YTHDC1: variants seen among roughly 807,000 people sequenced by gnomAD.
The protein encoded by YTHDC1 is YTH domain-containing protein 1.
YTHDC1 carries 12 observed loss-of-function variants against 107.0 expected under a neutral mutation model. The ratio of observed to expected loss-of-function variants is 0.11; its 90% CI spans 0.07 to 0.18. The LOEUF (loss-of-function observed/expected upper bound fraction) is 0.18. YTHDC1 is among the 10% of genes least tolerant of loss of function. The pLI, the probability that YTHDC1 is intolerant of heterozygous loss-of-function variation, is 1.00. For synonymous variants in YTHDC1, 280 were observed against 289.5 expected, an observed-to-expected ratio of 0.97 and a Z score of 0.33; for missense variants, 635 against 898.8, an observed-to-expected ratio of 0.71 and a Z score of 3.75.
chr4:68,316,877 A>T (rs1366307994), intron 15 of YTHDC1, among the ~76,000 whole-genome samples: 1 of 152,212 alleles, frequency 6.6e-6, no homozygotes, highest in Non-Finnish European at 1.5e-5. Flanking sequence ...GGCATACGGC[A>T]TCAGGCATCC....
At chr4:68,342,155 C>T (rs755183580) in intron 1 of YTHDC1, among the ~76,000 whole-genome samples, 6 of 152,094 alleles carry the variant, frequency 3.9e-5, no homozygotes, top group Non-Finnish European at 8.8e-5. Flanking sequence ...ATGGTAACAC[C>T]TTTCATTATG....
At chr4:68,320,724 A>C (rs999739848) in intron 11 of YTHDC1, among the ~76,000 whole-genome samples, 6 of 152,260 alleles carry the variant, frequency 3.9e-5, no homozygotes, top group Admixed American at 3.9e-4. Flanking sequence ...ACAAATTATG[A>C]ATTTTACATG....
rs1328088430 is a variant in YTHDC1 at position 68,313,814 on chromosome 4, A to G, written c.*285T>C. 3 of 429,632 alleles carry G rather than the reference A, an allele frequency of 7.0e-6. No individual in the cohort carries two copies. Among genetic ancestry groups the G allele is most frequent in the South Asian group, 3.9e-5 (1 of 25,828 alleles). 26.6% of individuals were successfully genotyped at this position (429,632 alleles called of 1,614,324 possible). ...AATAACTCTAGGATGAACACACTAT[A>G]AGAACATTTATGGAGAAAGAATCAG... is the stretch of plus-strand genomic sequence containing the variant. On this transcript the variant is annotated 3_prime_UTR_variant, in exon 17 of 17. Coordinates refer to ENST00000344157, the MANE Select transcript of YTHDC1 (RefSeq NM_001031732.4).
intron 10 of YTHDC1, among the ~76,000 whole-genome samples, chr4:68,323,868 TCAAAA>T (rs1722697366): frequency 6.6e-6 from 1 of 152,192 alleles, no homozygotes; most frequent in Non-Finnish European, 1.5e-5. Flanking sequence ...GATAATATAG[TCAAAA>T]CAAATTTAAA....
In YTHDC1 at chr4:68,337,193, TTCC is replaced by T. The variant is rs568654350; in HGVS notation, c.714_716del (p.Glu249del). ...CTTCTTCCTCCTCCTCCTCCTCCTCTTCCTCCTCCTCCTCTTCCTCCTCCTCCT... is the reference window on the plus strand; with the variant it reads ...CTTCTTCCTCCTCCTCCTCCTCCTCTTCCTCCTCCTCTTCCTCCTCCTCCT... On this transcript the variant is annotated inframe_deletion, in exon 4 of 17. Transcript: ENST00000344157. The T allele has an allele frequency of 6.0e-4, 949 of 1,574,288 alleles. 6 individuals are homozygous for T. Among genetic ancestry groups the T allele is most frequent in the South Asian group, 5.7e-3 (516 of 89,994 alleles).
At chr4:68,334,497 G>C (rs1723936284) in intron 4 of YTHDC1, among the ~76,000 whole-genome samples, 3 of 152,234 alleles carry the variant, frequency 2.0e-5, no homozygotes, top group African/African-American at 7.2e-5. Flanking sequence ...CTCAAGGGCA[G>C]GTCCTCTGGC....
rs36215897 is a variant in YTHDC1, at chr4:68,349,833, A to C, written c.-80T>G. ...GCGCGGGCGCCGCAGCCGCGGCAGA[A>C]GCACGGGCCCGTCCGTCAGTCCGTC... is the stretch of plus-strand genomic sequence containing the variant. On this transcript the variant is annotated 5_prime_UTR_variant, in exon 1 of 17. Coordinates refer to ENST00000344157, the MANE Select transcript of YTHDC1 (RefSeq NM_001031732.4). 1.3e-6 allele frequency: 2 copies of C among 1,598,256 alleles called. No homozygotes were observed. The highest frequency in any genetic ancestry group is 1.3e-5 in the African/African-American group (1 of 74,520).
intron 7 of YTHDC1, 25 bp downstream of exon 7, chr4:68,332,078 G>C (rs1462244295): frequency 4.7e-6 from 7 of 1,480,566 alleles, no homozygotes; most frequent in Non-Finnish European, 6.4e-6. Context: ...TATTAGGATA[G>C]TTTCAACAGA....
intron 1 of YTHDC1, among the ~76,000 whole-genome samples, chr4:68,340,439 T>C (rs1217305025): frequency 6.6e-6 from 1 of 152,102 alleles, no homozygotes; most frequent in Non-Finnish European, 1.5e-5. Flanking sequence ...AAAAATCTTA[T>C]TTAAAATCAA....
At position 68,349,777 on chromosome 4, in the gene YTHDC1, T is replaced by TGCCACC. The variant is rs1300208568; in HGVS notation, c.-30_-25dup. ...ATGGCTCCCCTTCGGTTTCCGCCGC[T>TGCCACC]GCCACCGCCGCCGCCGCTTAGACGC... On this transcript the variant is annotated 5_prime_UTR_variant, in exon 1 of 17. Transcript: ENST00000344157. The TGCCACC allele has an allele frequency of 1.9e-6, 3 of 1,611,648 alleles. No homozygotes were observed. The highest frequency in any genetic ancestry group is 2.5e-6 in the Non-Finnish European group (3 of 1,179,462).
At chr4:68,334,470 G>A (rs1310731070) in intron 4 of YTHDC1, among the ~76,000 whole-genome samples, 2 of 152,116 alleles carry the variant, frequency 1.3e-5, no homozygotes, top group East Asian at 3.9e-4. Flanking sequence ...CACAGTTCCT[G>A]GATGGCAGAA....
intron 1 of YTHDC1, among the ~76,000 whole-genome samples, chr4:68,343,367 A>T (rs1212961943): frequency 6.6e-6 from 1 of 151,038 alleles, no homozygotes; most frequent in Non-Finnish European, 1.5e-5. Flanking sequence ...TGCCCAGCTA[A>T]TTTTTGTTAT....
intron 10 of YTHDC1, among the ~76,000 whole-genome samples, chr4:68,323,508 G>A (rs957726897): frequency 3.3e-5 from 5 of 152,090 alleles, no homozygotes; most frequent in Admixed American, 6.5e-5. Context: ...CAGGCGGATC[G>A]CTTGAGGCCA....
At chr4:68,331,154 G>A (rs1200010329) in intron 7 of YTHDC1, among the ~76,000 whole-genome samples, 1 of 152,124 alleles carries the variant, frequency 6.6e-6, no homozygotes, top group Non-Finnish European at 1.5e-5. Context: ...CTAATACAAT[G>A]TAAATGCTAT....
intron 4 of YTHDC1, among the ~76,000 whole-genome samples, chr4:68,333,702 T>C (rs1266038216): frequency 6.6e-6 from 1 of 152,066 alleles, no homozygotes; most frequent in Non-Finnish European, 1.5e-5. Context: ...GGGGGGAAAT[T>C]TGCAAAGCAA....
chr4:68,334,670 A>T (rs1723961332), intron 4 of YTHDC1, among the ~76,000 whole-genome samples: 1 of 152,196 alleles, frequency 6.6e-6, no homozygotes, highest in Non-Finnish European at 1.5e-5. Flanking sequence ...TTATGAATGC[A>T]TCTGACTGAG....
At chr4:68,318,966 A>G (rs1722154123) in intron 12 of YTHDC1, 104 bp from the exon 13 acceptor site, 1 of 1,238,604 alleles carries the variant, frequency 8.1e-7, no homozygotes, top group Admixed American at 1.8e-5. Flanking sequence ...TCCATGAAAT[A>G]TGTACTTTAA....
At chr4:68,339,971 G>A (rs1408203866) in intron 1 of YTHDC1, among the ~76,000 whole-genome samples, 1 of 152,086 alleles carries the variant, frequency 6.6e-6, no homozygotes, top group African/African-American at 2.4e-5. Flanking sequence ...AATGCTAATA[G>A]TAAATGTTTA....
chr4:68,315,549 C>T (rs1721763916), intron 16 of YTHDC1, among the ~76,000 whole-genome samples: 1 of 151,902 alleles, frequency 6.6e-6, no homozygotes, highest in Non-Finnish European at 1.5e-5. Context: ...GGCTATCAAA[C>T]TTATATGCAT....
Sources: allele counts gnomAD v4.1 joint callset (sites outside exome capture counted in the v4.1 genomes callset), GRCh38; gene constraint gnomAD v4.1.1; transcripts MANE v1.5; gene names NCBI Gene and HGNC (gene_info 2026-07-23, HGNC 2026-07-21).